SNTG2: variants seen among roughly 807,000 people sequenced by gnomAD.
SNTG2 encodes gamma-2-syntrophin.
A neutral mutation model predicts 70.9 loss-of-function variants in SNTG2; 74 were observed. The observed-to-expected ratio is 1.04, with a 90% CI of 0.86 to 1.27. SNTG2 has a LOEUF of 1.27. SNTG2 is among the 50% of genes most tolerant of loss of function. The pLI is 0.00. For synonymous variants in SNTG2, 278 were observed against 273.8 expected, an observed-to-expected ratio of 1.02 and a Z score of -0.15; for missense variants, 717 against 690.7, an observed-to-expected ratio of 1.04 and a Z score of -0.43.
chr2:1,019,989 G>A (rs949042990), intron 1 of SNTG2, among the ~76,000 whole-genome samples: 2 of 152,200 alleles, frequency 1.3e-5, no homozygotes, highest in African/African-American at 4.8e-5. Flanking sequence ...GTTGCAGTGA[G>A]CTGAGATCGT....
intron 16 of SNTG2, 116 bp from the exon 17 acceptor site, chr2:1,367,227 A>T: frequency 1.1e-6 from 1 of 933,554 alleles, no homozygotes; most frequent in East Asian, 2.8e-5. Context: ...CCTGTCTATT[A>T]TTATTTTTTT....
intron 8 of SNTG2, among the ~76,000 whole-genome samples, chr2:1,174,458 A>G (rs1296549378): frequency 6.6e-6 from 1 of 152,120 alleles, no homozygotes; most frequent in Non-Finnish European, 1.5e-5. Flanking sequence ...GCCTGTGGAC[A>G]CTTTGCCTTT....
At chr2:1,191,700 C>T (rs1488498480) in intron 8 of SNTG2, among the ~76,000 whole-genome samples, 2 of 152,108 alleles carry the variant, frequency 1.3e-5, no homozygotes, top group East Asian at 1.9e-4. Context: ...GAGGCTGAGG[C>T]AGGAGAATCA....
At chr2:1,301,133 T>A (rs930199998) in intron 14 of SNTG2, among the ~76,000 whole-genome samples, 1 of 152,006 alleles carries the variant, frequency 6.6e-6, no homozygotes, top group African/African-American at 2.4e-5. Context: ...AGAGGTGACA[T>A]GCATGGAGTT....
At chr2:1,165,408 C>A in intron 6 of SNTG2, 140 bp from the exon 7 acceptor site, 1 of 777,812 alleles carries the variant, frequency 1.3e-6, no homozygotes. Context: ...CAGCTGAAGC[C>A]CACAAAGTTT....
intron 8 of SNTG2, among the ~76,000 whole-genome samples, chr2:1,201,400 G>A (rs112447866): frequency 0.012 from 1,881 of 151,726 alleles, 38 homozygotes; most frequent in African/African-American, 0.043. Context: ...GAAAGGGTGT[G>A]GGGGGAGGTG....
chr2:1,335,093 T>A (rs1659732755), intron 16 of SNTG2, among the ~76,000 whole-genome samples: 1 of 152,218 alleles, frequency 6.6e-6, no homozygotes, highest in African/African-American at 2.4e-5. Context: ...TGTGTTTTTG[T>A]CTCTCAACTT....
In SNTG2 at chr2:1,266,751, C is replaced by CTTT. The variant is rs59679083; in HGVS notation, c.1078-602_1078-600dup. 1.4e-4 allele frequency among the ~76,000 whole-genome samples: 15 copies of CTTT among 107,778 alleles called. No homozygotes were observed. In the South Asian group the frequency reaches 2.9e-3, roughly 21 times the overall value. 70.7% of individuals were successfully genotyped at this position (107,778 alleles called of 152,430 possible). ...AATGTCTCAAGACTTTCATCTTTAT[C>CTTT]TTTTTTTTTTTTTTCTTGAGACAGG... On this transcript the variant is annotated intron_variant, in intron 13 of 16. Coordinates refer to ENST00000308624, the MANE Select transcript of SNTG2 (RefSeq NM_018968.4).
intron 1 of SNTG2, among the ~76,000 whole-genome samples, chr2:965,967 T>A (rs1660551086): frequency 6.6e-6 from 1 of 152,058 alleles, no homozygotes; most frequent in Non-Finnish European, 1.5e-5. Flanking sequence ...TGCTCCCGGC[T>A]CCTCCCAGCT....
intron 1 of SNTG2, among the ~76,000 whole-genome samples, chr2:1,018,049 A>G (rs1488723718): frequency 6.6e-6 from 1 of 152,222 alleles, no homozygotes; most frequent in Admixed American, 6.5e-5. Context: ...ATCCATGCAT[A>G]AGAAATGTAA....
intron 13 of SNTG2, among the ~76,000 whole-genome samples, chr2:1,264,017 T>C (rs1678591221): frequency 6.6e-6 from 1 of 152,268 alleles, no homozygotes; most frequent in African/African-American, 2.4e-5. Flanking sequence ...GGCTCATTTG[T>C]ATGCCAATTG....
intron 1 of SNTG2, among the ~76,000 whole-genome samples, chr2:978,341 CT>C (rs1306914633): frequency 6.6e-6 from 1 of 152,112 alleles, no homozygotes; most frequent in Non-Finnish European, 1.5e-5. Context: ...ATTCAACGTT[CT>C]TTTTTCCAGA....
At chr2:1,311,664 T>C (rs1025149744) in intron 15 of SNTG2, among the ~76,000 whole-genome samples, 2 of 152,220 alleles carry the variant, frequency 1.3e-5, no homozygotes, top group African/African-American at 2.4e-5. Flanking sequence ...ATAAATATTA[T>C]TGAATATGAA....
At chr2:1,167,164 G>T (rs1347958055) in intron 7 of SNTG2, among the ~76,000 whole-genome samples, 3 of 152,176 alleles carry the variant, frequency 2.0e-5, no homozygotes, top group African/African-American at 7.2e-5. Flanking sequence ...AAGCCTACAA[G>T]CCACCCACGG....
intron 15 of SNTG2, among the ~76,000 whole-genome samples, chr2:1,316,014 C>A (rs903118731): frequency 6.6e-6 from 1 of 152,026 alleles, no homozygotes; most frequent in African/African-American, 2.4e-5. Context: ...CTGATGCATC[C>A]CCAAGACATG....
At chr2:999,801 T>C (rs1661808051) in intron 1 of SNTG2, among the ~76,000 whole-genome samples, 1 of 152,012 alleles carries the variant, frequency 6.6e-6, no homozygotes, top group African/African-American at 2.4e-5. Flanking sequence ...CATTGCATTC[T>C]ACTCAACAAC....
At chr2:1,138,987 G>A (rs949446852) in intron 6 of SNTG2, among the ~76,000 whole-genome samples, 1 of 152,202 alleles carries the variant, frequency 6.6e-6, no homozygotes, top group Non-Finnish European at 1.5e-5. Flanking sequence ...CATTCAAGAT[G>A]TGTAGTTATC....
chr2:1,059,511 A>G (rs1015650849), intron 1 of SNTG2, among the ~76,000 whole-genome samples: 6 of 152,232 alleles, frequency 3.9e-5, no homozygotes, highest in Non-Finnish European at 7.3e-5. Context: ...ACTTGGAGTC[A>G]CAATTGGATT....
At chr2:1,276,581 A>T (rs973060947) in intron 14 of SNTG2, among the ~76,000 whole-genome samples, 4 of 152,242 alleles carry the variant, frequency 2.6e-5, no homozygotes, top group African/African-American at 9.6e-5. Flanking sequence ...ACTCATTGAC[A>T]ATGCAATTGG....
Sources: allele counts gnomAD v4.1 joint callset (sites outside exome capture counted in the v4.1 genomes callset), GRCh38; gene constraint gnomAD v4.1.1; transcripts MANE v1.5; gene names NCBI Gene and HGNC (gene_info 2026-07-23, HGNC 2026-07-21).